The following SHANK2 variants were observed in gnomAD, a reference collection of about 807,000 sequenced individuals.
SHANK2 encodes the protein SH3 and multiple ankyrin repeat domains protein 2.
In SHANK2, 43 loss-of-function variants were observed where a neutral mutation model predicts 133.7. The ratio of observed to expected loss-of-function variants is 0.32; its 90% confidence interval spans 0.25 to 0.41. The LOEUF is 0.41. SHANK2 is among the 10% of genes least tolerant of loss of function. The pLI, the probability that SHANK2 is intolerant of heterozygous loss-of-function variation, is 1.00. For missense variants in SHANK2, 1,994 were observed against 2,235.8 expected, an observed-to-expected ratio of 0.89 and a Z score of 2.18; for synonymous variants, 1,017 against 952.8, an observed-to-expected ratio of 1.07 and a Z score of -1.24.
At chr11:70,531,855 T>A (rs2059477996) in intron 17 of SHANK2, among the ~76,000 whole-genome samples, 1 of 152,138 alleles carries the variant, frequency 6.6e-6, no homozygotes, top group Non-Finnish European at 1.5e-5. Context: ...TCCCCATACA[T>A]TTCTTTCCTG....
In SHANK2 at chr11:70,867,407, G is replaced by A. The variant is rs1018531818; in HGVS notation, c.1174+29094C>T. Among the ~76,000 whole-genome samples the A allele has an allele frequency of 3.0e-4, 45 of 152,240 alleles. 1 individual carries two copies. The highest frequency in any genetic ancestry group is 2.6e-3 in the Admixed American group (39 of 15,288). ...AGGATCAGGCCAGGACTCCACCAAC[G>A]GAGGACGAGAGGCAAGAGCCGCTGT... On this transcript the variant is annotated intron_variant, in intron 11 of 25. Transcript: ENST00000601538.
intron 10 of SHANK2, among the ~76,000 whole-genome samples, chr11:70,935,183 C>T (rs1555083266): frequency 6.6e-6 from 1 of 152,210 alleles, no homozygotes; most frequent in African/African-American, 2.4e-5. Flanking sequence ...CTCCGTCCTG[C>T]CCAGGATGTG....
chr11:71,172,623 A>C (rs576914907), intron 2 of SHANK2, among the ~76,000 whole-genome samples: 3 of 151,802 alleles, frequency 2.0e-5, no homozygotes, highest in Admixed American at 6.6e-5. Flanking sequence ...GAAAAAAAGA[A>C]AAAAGAAAAG....
intron 17 of SHANK2, among the ~76,000 whole-genome samples, chr11:70,557,305 G>A (rs1454742466): frequency 6.6e-6 from 1 of 152,152 alleles, no homozygotes; most frequent in Admixed American, 6.5e-5. Context: ...AAGCAAGCAA[G>A]CAAACAGATG....
intron 11 of SHANK2, chr11:70,873,137 TC>T (rs1555070528): frequency 2.1e-6 from 1 of 469,882 alleles, no homozygotes; most frequent in Non-Finnish European, 4.4e-6. Flanking sequence ...TGTTTGTGGT[TC>T]CCTAAAACAA....
At chr11:70,922,129 C>T (rs182318085) in intron 10 of SHANK2, among the ~76,000 whole-genome samples, 97 of 152,268 alleles carry the variant, frequency 6.4e-4, no homozygotes, top group African/African-American at 4.3e-4. Flanking sequence ...TAAAATCCAA[C>T]GTCTACAATT....
chr11:71,201,201 C>T (rs1954013094), intron 2 of SHANK2, among the ~76,000 whole-genome samples: 1 of 152,190 alleles, frequency 6.6e-6, no homozygotes, highest in Non-Finnish European at 1.5e-5. Context: ...GTTCCTTCTC[C>T]ACAGCAACCA....
chr11:70,586,425 C>T (rs1314874318), intron 17 of SHANK2, among the ~76,000 whole-genome samples: 2 of 152,122 alleles, frequency 1.3e-5, no homozygotes, highest in Non-Finnish European at 2.9e-5. Flanking sequence ...CCGGGGTCAC[C>T]TATTGGCTTC....
intron 9 of SHANK2, among the ~76,000 whole-genome samples, chr11:71,058,740 C>T (rs1214476570): frequency 1.2e-4 from 18 of 152,246 alleles, no homozygotes; most frequent in Non-Finnish European, 1.8e-4. Context: ...CTGGACTCAA[C>T]ACTGCACAAA....
intron 17 of SHANK2, among the ~76,000 whole-genome samples, chr11:70,576,620 G>C (rs1431176129): frequency 6.6e-6 from 1 of 152,112 alleles, no homozygotes; most frequent in Non-Finnish European, 1.5e-5. Context: ...CTCGGCGACA[G>C]AGCGAGACTC....
intron 14 of SHANK2, among the ~76,000 whole-genome samples, chr11:70,717,419 C>A (rs1054450934): frequency 6.6e-6 from 1 of 152,176 alleles, no homozygotes; most frequent in Non-Finnish European, 1.5e-5. Context: ...TGTTTCCTCC[C>A]GAATGATCTG....
At chr11:70,653,444 A>T (rs2061363324) in intron 17 of SHANK2, among the ~76,000 whole-genome samples, 1 of 150,534 alleles carries the variant, frequency 6.6e-6, no homozygotes, top group Non-Finnish European at 1.5e-5. Context: ...AGCCCAAGAA[A>T]CATATATATT....
intron 10 of SHANK2, chr11:70,910,895 G>T (rs1950180856): frequency 2.3e-6 from 1 of 436,998 alleles, no homozygotes; most frequent in Admixed American, 2.4e-5. Flanking sequence ...GTTGCTTGGT[G>T]GTGCGTGTGT....
chr11:71,086,575 T>C (rs1951423206), intron 8 of SHANK2, among the ~76,000 whole-genome samples: 1 of 147,012 alleles, frequency 6.8e-6, no homozygotes, highest in Non-Finnish European at 1.5e-5. Context: ...ATCATTAGAC[T>C]TGGAGTTAAG....
intron 14 of SHANK2, among the ~76,000 whole-genome samples, chr11:70,757,938 T>G (rs1239107888): frequency 6.6e-6 from 1 of 152,104 alleles, no homozygotes; most frequent in Non-Finnish European, 1.5e-5. Context: ...GAGATCACGG[T>G]GTCTGTAGGA....
In SHANK2 at chr11:70,909,956, C is replaced by A. The variant is rs74422287; in HGVS notation, c.1108-13389G>T. ...ATTTCACTGTCCTGGAGGCTGGAGT[C>A]TGAGATCAAGGCATCGCAGGGCTAG... On this transcript the variant is annotated intron_variant, in intron 10 of 25. Coordinates refer to ENST00000601538, the MANE Select transcript of SHANK2 (RefSeq NM_012309.5). Among the ~76,000 whole-genome samples the A allele has an allele frequency of 7.7e-4, 117 of 152,292 alleles. 2 individuals are homozygous for A. In the East Asian group the frequency reaches 0.021, roughly 28 times the overall value.
At chr11:70,938,249 G>C (rs959691049) in intron 10 of SHANK2, among the ~76,000 whole-genome samples, 4 of 152,142 alleles carry the variant, frequency 2.6e-5, no homozygotes, top group African/African-American at 9.7e-5. Context: ...GTGTGGTGGA[G>C]GGGGGTGTCC....
chr11:70,507,367 CTG>C (rs2059149031), intron 17 of SHANK2, among the ~76,000 whole-genome samples: 2 of 152,202 alleles, frequency 1.3e-5, no homozygotes, highest in African/African-American at 2.4e-5. Context: ...ATTCATGAAA[CTG>C]ATTTCTATTT....
At chr11:70,903,594 A>G (rs1459554180) in intron 10 of SHANK2, among the ~76,000 whole-genome samples, 1 of 152,128 alleles carries the variant, frequency 6.6e-6, no homozygotes, top group Non-Finnish European at 1.5e-5. Context: ...TCATTGGGAA[A>G]GACAGTAGAG....
Sources: allele counts gnomAD v4.1 joint callset (sites outside exome capture counted in the v4.1 genomes callset), GRCh38; gene constraint gnomAD v4.1.1; transcripts MANE v1.5; gene names NCBI Gene and HGNC (gene_info 2026-07-23, HGNC 2026-07-21).